CLSTN2: variants seen among roughly 807,000 people sequenced by gnomAD.
The protein encoded by CLSTN2 is calsyntenin 2, also known as calsyntenin-2.
In CLSTN2, 48 loss-of-function variants were observed where a neutral mutation model predicts 101.2. The observed-to-expected ratio is 0.47, with a 90% CI of 0.38 to 0.60. The LOEUF (loss-of-function observed/expected upper bound fraction) is 0.60. Among genes scored for constraint, CLSTN2 ranks in the 20% least tolerant of loss-of-function variants. CLSTN2 has a pLI of 0.00. For missense variants in CLSTN2, 1,160 were observed against 1,238.2 expected (o/e 0.94, Z 0.95); for synonymous variants, 481 against 463.6 (o/e 1.04, Z -0.48).
intron 2 of CLSTN2, among the ~76,000 whole-genome samples, chr3:140,242,835 A>G (rs2086482366): frequency 6.6e-6 from 1 of 152,154 alleles, no homozygotes; most frequent in Non-Finnish European, 1.5e-5. Context: ...CCCTAGGAAC[A>G]CTGCACCGTT....
At chr3:140,324,713 TTA>T (rs774866990) in intron 2 of CLSTN2, among the ~76,000 whole-genome samples, 1 of 152,212 alleles carries the variant, frequency 6.6e-6, no homozygotes. Flanking sequence ...GCATGTATAT[TTA>T]TATCTTTCTA....
intron 1 of CLSTN2, among the ~76,000 whole-genome samples, chr3:140,049,243 T>A (rs1238898566): frequency 6.6e-6 from 1 of 152,242 alleles, no homozygotes; most frequent in African/African-American, 2.4e-5. Context: ...GACTGACTTC[T>A]TCGTCTTCCT....
rs537293392 is a variant in CLSTN2 at position 140,344,061 on chromosome 3, T to G, written c.233-59568T>G. Among the ~76,000 whole-genome samples, 28 of 152,334 alleles carry G rather than the reference T, an allele frequency of 1.8e-4. No homozygotes were observed. In the South Asian group the frequency reaches 5.6e-3, roughly 30 times the overall value. On this transcript the variant is annotated intron_variant, in intron 2 of 16. Coordinates refer to ENST00000458420, the MANE Select transcript of CLSTN2 (RefSeq NM_022131.3). ...AGTTGGCTATAATTGGCAGCTTGTTTCTTCTCCAGCGTCCTCTCTTCCTAT... is the reference window on the plus strand; with the variant it reads ...AGTTGGCTATAATTGGCAGCTTGTTGCTTCTCCAGCGTCCTCTCTTCCTAT...
At chr3:140,295,769 T>A (rs1191114331) in intron 2 of CLSTN2, among the ~76,000 whole-genome samples, 1 of 151,682 alleles carries the variant, frequency 6.6e-6, no homozygotes, top group Non-Finnish European at 1.5e-5. Flanking sequence ...GAAGGAGGAG[T>A]CATATGATCA....
intron 2 of CLSTN2, among the ~76,000 whole-genome samples, chr3:140,358,004 C>T (rs926539675): frequency 2.0e-5 from 3 of 152,166 alleles, no homozygotes; most frequent in African/African-American, 7.2e-5. Flanking sequence ...CAGGCTGACA[C>T]TGAGGGAGGC....
intron 1 of CLSTN2, among the ~76,000 whole-genome samples, chr3:140,154,412 A>G (rs1375750151): frequency 6.6e-6 from 1 of 152,146 alleles, no homozygotes; most frequent in Non-Finnish European, 1.5e-5. Context: ...ATAATAAACC[A>G]TGAGAAGTAC....
chr3:140,556,081 A>C (rs1247478676), intron 10 of CLSTN2, among the ~76,000 whole-genome samples: 1 of 152,232 alleles, frequency 6.6e-6, no homozygotes, highest in Non-Finnish European at 1.5e-5. Context: ...ATGGGTCAGA[A>C]AATGGAGTGC....
rs148491105 is a variant in CLSTN2 at position 140,059,295 on chromosome 3, A to G, written c.110-116656A>G. 4.9e-3 allele frequency among the ~76,000 whole-genome samples: 739 copies of G among 152,362 alleles called. 5 individuals carry two copies. Among genetic ancestry groups the G allele is most frequent in the African/African-American group, 0.017 (707 of 41,586 alleles). On this transcript the variant is annotated intron_variant, in intron 1 of 16. Coordinates refer to ENST00000458420, the MANE Select transcript of CLSTN2 (RefSeq NM_022131.3). Reference sequence around the variant, plus strand: ...TAGTTCTGATTCCCAGATGGCTGACAGCTCCAGAGGGGCAGGGCTTTGTGT... The same window carrying G: ...TAGTTCTGATTCCCAGATGGCTGACGGCTCCAGAGGGGCAGGGCTTTGTGT...
chr3:140,147,227 G>A (rs1185063697), intron 1 of CLSTN2, among the ~76,000 whole-genome samples: 1 of 152,224 alleles, frequency 6.6e-6, no homozygotes, highest in Non-Finnish European at 1.5e-5. Flanking sequence ...AGGAAATCAG[G>A]AAGAGCATCC....
intron 1 of CLSTN2, among the ~76,000 whole-genome samples, chr3:140,084,575 G>C (rs2008649973): frequency 6.6e-6 from 1 of 152,168 alleles, no homozygotes; most frequent in African/African-American, 2.4e-5. Context: ...AACTGCAACA[G>C]AATGTGTTGC....
intron 1 of CLSTN2, among the ~76,000 whole-genome samples, chr3:140,079,857 T>G (rs915934547): frequency 3.3e-5 from 5 of 152,228 alleles, no homozygotes; most frequent in African/African-American, 1.2e-4. Context: ...CAAATTGATA[T>G]TTTTAAAATC....
chr3:140,249,921 A>G (rs1286613053), intron 2 of CLSTN2, among the ~76,000 whole-genome samples: 5 of 152,178 alleles, frequency 3.3e-5, no homozygotes, highest in Non-Finnish European at 7.3e-5. Context: ...CAGCATCAAC[A>G]TTAATGCAGC....
chr3:140,212,401 G>T (rs1191948792), intron 2 of CLSTN2, among the ~76,000 whole-genome samples: 1 of 152,088 alleles, frequency 6.6e-6, no homozygotes, highest in Non-Finnish European at 1.5e-5. Context: ...TAATCCACAA[G>T]GTAATTAATC....
chr3:140,377,836 A>T (rs1294669602), intron 2 of CLSTN2, among the ~76,000 whole-genome samples: 1 of 152,210 alleles, frequency 6.6e-6, no homozygotes. Flanking sequence ...AGTCCACAGT[A>T]GTGGGCAGCA....
intron 2 of CLSTN2, among the ~76,000 whole-genome samples, chr3:140,341,887 C>T (rs1458272081): frequency 6.6e-6 from 1 of 152,076 alleles, no homozygotes; most frequent in East Asian, 1.9e-4. Flanking sequence ...AGAAGCAGTC[C>T]TCCAGAGTGA....
chr3:140,443,321 C>T (rs940017875), intron 5 of CLSTN2, among the ~76,000 whole-genome samples: 16 of 152,210 alleles, frequency 1.1e-4, no homozygotes, highest in African/African-American at 2.7e-4. Context: ...ATGGACGGAA[C>T]GTCTTAGATT....
chr3:140,257,561 G>GGT (rs397877641), intron 2 of CLSTN2, among the ~76,000 whole-genome samples: 27,322 of 92,706 alleles, frequency 0.29, 2,562 homozygotes, highest in East Asian at 0.42. Context: ...TCTTTCTAGG[G>GGT]GTGTGTGTGT....
At position 140,289,097 on chromosome 3, in the gene CLSTN2, G is replaced by A. The variant is rs145855391; in HGVS notation, c.232+113024G>A. Among the ~76,000 whole-genome samples the A allele has an allele frequency of 2.6e-5, 4 of 152,296 alleles. No individual in the cohort carries two copies. In the East Asian group the frequency reaches 7.7e-4, roughly 29 times the overall value. On this transcript the variant is annotated intron_variant, in intron 2 of 16. Transcript: ENST00000458420. Reference sequence around the variant, plus strand: ...TCACACAGAGTAAGGTAGCCCCAGTGTAGCTAATGTGACTGCTTACTGTGT... The same window carrying A: ...TCACACAGAGTAAGGTAGCCCCAGTATAGCTAATGTGACTGCTTACTGTGT...
Position 140,407,631 on chromosome 3 carries a change from T to C in CLSTN2, c.637+2865T>C, listed in dbSNP as rs1340461997. On this transcript the variant is annotated intron_variant, in intron 4 of 16. Transcript: ENST00000458420. ...AAATATTTACCTGGATGATTGGGAC[T>C]TGAGATTTATTTACCAGGCTTAAAT... 2.0e-5 allele frequency among the ~76,000 whole-genome samples: 3 copies of C among 152,224 alleles called. No homozygotes were observed. In the East Asian group the frequency reaches 5.8e-4, roughly 29 times the overall value.
Sources: allele counts gnomAD v4.1 joint callset (sites outside exome capture counted in the v4.1 genomes callset), GRCh38; gene constraint gnomAD v4.1.1; transcripts MANE v1.5; gene names NCBI Gene and HGNC (gene_info 2026-07-23, HGNC 2026-07-21).